The following SGCD variants were observed in gnomAD, a reference collection of about 807,000 sequenced individuals.
SGCD encodes the protein delta-sarcoglycan.
A neutral mutation model predicts 36.6 loss-of-function variants in SGCD; 18 were observed. That is an observed-to-expected ratio of 0.49 (90% CI 0.34 to 0.73). SGCD has a LOEUF of 0.73. SGCD is among the 30% of genes least tolerant of loss of function. The pLI is 0.01. For missense variants in SGCD, 387 were observed against 346.7 expected (o/e 1.12, Z -0.92); for synonymous variants, 133 against 130.6 (o/e 1.02, Z -0.12).
At chr5:156,307,866 CAT>C (rs1187945590) in intron 3 of SGCD, among the ~76,000 whole-genome samples, 287 of 152,088 alleles carry the variant, frequency 1.9e-3, no homozygotes, top group African/African-American at 6.8e-3. Flanking sequence ...GTTTAAGAAA[CAT>C]AAACTGATAA....
chr5:155,844,153 T>C, the SGCD span, among the ~76,000 whole-genome samples: 3 of 152,144 alleles, frequency 2.0e-5, no homozygotes, highest in African/African-American at 7.2e-5. Flanking sequence ...CTCACACTTA[T>C]CTGAAGTTTG....
the SGCD span, among the ~76,000 whole-genome samples, chr5:155,843,926 C>T: frequency 2.6e-5 from 4 of 152,178 alleles, no homozygotes; most frequent in African/African-American, 9.7e-5. Flanking sequence ...ACTCTTTCCC[C>T]AGAGTATTGC....
At position 156,344,605 on chromosome 5, in the gene SGCD, G is replaced by GCTC; in HGVS notation, c.124_126dup (p.Leu42dup). The GCTC allele has an allele frequency of 1.2e-6, 2 of 1,611,834 alleles. No individual in the cohort carries two copies. Among genetic ancestry groups the GCTC allele is most frequent in the Non-Finnish European group, 1.7e-6 (2 of 1,178,914 alleles). On this transcript the variant is annotated inframe_insertion, in exon 3 of 9. Coordinates refer to ENST00000337851, the MANE Select transcript of SGCD (RefSeq NM_000337.6). Reference sequence around the variant, plus strand: ...AACGATGCCTGTATTTCTTTGTCCTGCTCCTCATGATTTTAATACTGGTGA... The same window carrying GCTC: ...AACGATGCCTGTATTTCTTTGTCCTGCTCCTCCTCATGATTTTAATACTGGTGA...
rs751088365 is a variant in SGCD, at chr5:156,762,732, G to C, written c.*3342G>C. The C allele has an allele frequency of 2.0e-5, 3 of 152,608 alleles. No individual in the cohort carries two copies. Among genetic ancestry groups the C allele is most frequent in the Non-Finnish European group, 4.4e-5 (3 of 68,050 alleles). 9.5% of individuals were successfully genotyped at this position (152,608 alleles called of 1,614,324 possible). A position where few individuals can be genotyped will look rare whatever the true frequency, so the allele number is the denominator to read the frequency against. On this transcript the variant is annotated 3_prime_UTR_variant, in exon 9 of 9. Coordinates refer to ENST00000337851, the MANE Select transcript of SGCD (RefSeq NM_000337.6). ...GATTTTACACTACAGCAGCAGGATG[G>C]AGTAGTTGTGTCAGAGACTATGTAT...
At chr5:156,027,647 T>C (rs750827981) in intron 1 of SGCD, among the ~76,000 whole-genome samples, 2 of 152,066 alleles carry the variant, frequency 1.3e-5, no homozygotes, top group Non-Finnish European at 2.9e-5. Flanking sequence ...GCTGACTATA[T>C]ATTAAAGAAA....
intron 4 of SGCD, among the ~76,000 whole-genome samples, chr5:156,532,410 C>T (rs1757923971): frequency 6.6e-6 from 1 of 152,156 alleles, no homozygotes; most frequent in Admixed American, 6.6e-5. Flanking sequence ...TAGAGTCTTA[C>T]ATTGTAATAG....
At chr5:156,694,635 T>C (rs10085029) in intron 7 of SGCD, among the ~76,000 whole-genome samples, 7,817 of 152,256 alleles carry the variant, frequency 0.051, 461 homozygotes, top group African/African-American at 0.14. Context: ...TAAAGCTATT[T>C]CCTAAATACA....
intron 1 of SGCD, among the ~76,000 whole-genome samples, chr5:155,898,906 G>A (rs542980682): frequency 6.6e-6 from 1 of 152,288 alleles, no homozygotes; most frequent in East Asian, 1.9e-4. Flanking sequence ...GGCTAGATGT[G>A]GCTCACGGGC....
At chr5:156,048,493 T>C (rs1581062399) in intron 1 of SGCD, among the ~76,000 whole-genome samples, 2 of 152,360 alleles carry the variant, frequency 1.3e-5, no homozygotes, top group African/African-American at 4.8e-5. Flanking sequence ...TGTTGTTTCC[T>C]GACTTTTTAA....
At chr5:155,740,962 G>C in the SGCD span, among the ~76,000 whole-genome samples, 1 of 152,308 alleles carries the variant, frequency 6.6e-6, no homozygotes, top group East Asian at 1.9e-4. Flanking sequence ...GCCCAAAGTG[G>C]TTGGGTTATA....
At chr5:156,007,104 G>T (rs535898304) in intron 1 of SGCD, among the ~76,000 whole-genome samples, 7 of 152,086 alleles carry the variant, frequency 4.6e-5, no homozygotes, top group Admixed American at 2.0e-4. Flanking sequence ...TACTTCCCTG[G>T]TCTATTCCGC....
At chr5:156,448,123 C>G (rs1175813303) in intron 3 of SGCD, among the ~76,000 whole-genome samples, 2 of 152,130 alleles carry the variant, frequency 1.3e-5, no homozygotes, top group African/African-American at 4.8e-5. Context: ...CCTCTCAAGT[C>G]ACCTTTTCTG....
At chr5:155,821,822 A>G in the SGCD span, among the ~76,000 whole-genome samples, 3 of 152,236 alleles carry the variant, frequency 2.0e-5, no homozygotes, top group Non-Finnish European at 4.4e-5. Context: ...TAATTATACT[A>G]ATATTTATAA....
At chr5:155,831,786 G>T in the SGCD span, among the ~76,000 whole-genome samples, 1 of 152,204 alleles carries the variant, frequency 6.6e-6, no homozygotes, top group African/African-American at 2.4e-5. Flanking sequence ...TCTGTAGGGA[G>T]AGCGGATATG....
chr5:156,153,234 C>T (rs992978575), intron 3 of SGCD, among the ~76,000 whole-genome samples: 2 of 150,350 alleles, frequency 1.3e-5, no homozygotes, highest in African/African-American at 5.0e-5. Context: ...CTTTCAAAAT[C>T]AAGTGAGTAA....
chr5:156,669,956 A>G (rs1753219749), intron 7 of SGCD, among the ~76,000 whole-genome samples: 1 of 152,198 alleles, frequency 6.6e-6, no homozygotes, highest in East Asian at 1.9e-4. Context: ...ATGACTAGAC[A>G]TTACTAGACC....
intron 6 of SGCD, among the ~76,000 whole-genome samples, chr5:156,619,133 C>T (rs1236145409): frequency 6.6e-6 from 1 of 151,848 alleles, no homozygotes; most frequent in African/African-American, 2.4e-5. Context: ...TCACGCCATT[C>T]GCCTGCCTCA....
the SGCD span, among the ~76,000 whole-genome samples, chr5:155,785,445 C>T: frequency 6.6e-6 from 1 of 152,092 alleles, no homozygotes; most frequent in African/African-American, 2.4e-5. Context: ...AAAATCCTCT[C>T]TTCTAGCTGT....
At chr5:156,707,433 T>C (rs1754791260) in intron 7 of SGCD, among the ~76,000 whole-genome samples, 1 of 152,178 alleles carries the variant, frequency 6.6e-6, no homozygotes, top group African/African-American at 2.4e-5. Context: ...CACTATCAGA[T>C]CTTACTACCA....
Sources: gnomAD v4.1 joint callset for allele counts (sites outside exome capture counted in the v4.1 genomes callset) on GRCh38, gnomAD v4.1.1 for gene constraint, MANE v1.5 for transcripts, NCBI Gene and HGNC (gene_info 2026-07-23, HGNC 2026-07-21) for gene names.